GRB10: variants seen among roughly 807,000 people sequenced by gnomAD.
GRB10 encodes the protein growth factor receptor bound protein 10.
Under a neutral mutation model 80.9 loss-of-function variants are expected in GRB10, and 20 were observed. That is an observed-to-expected ratio of 0.25 (90% CI 0.17 to 0.36). GRB10 has a LOEUF of 0.36. Among genes scored for constraint, GRB10 ranks in the 10% least tolerant of loss-of-function variants. The pLI, the probability that GRB10 is intolerant of heterozygous loss-of-function variation, is 1.00. For synonymous variants in GRB10, 291 were observed against 291.5 expected (o/e 1.00, Z 0.02); for missense variants, 548 against 747.7 (o/e 0.73, Z 3.12).
intron 5 of GRB10, among the ~76,000 whole-genome samples, chr7:50,677,515 T>C (rs2061085636): frequency 6.6e-6 from 1 of 152,200 alleles, no homozygotes; most frequent in Admixed American, 6.5e-5. Context: ...ACCTCAGTTC[T>C]GTATTTATTG....
intron 9 of GRB10, among the ~76,000 whole-genome samples, chr7:50,618,367 T>C (rs2051025967): frequency 6.6e-6 from 1 of 152,226 alleles, no homozygotes; most frequent in African/African-American, 2.4e-5. Flanking sequence ...ATACCAACTA[T>C]GTTTACTAAG....
chr7:50,617,364 T>C (rs2050840556), intron 10 of GRB10, among the ~76,000 whole-genome samples: 1 of 152,240 alleles, frequency 6.6e-6, no homozygotes, highest in African/African-American at 2.4e-5. Context: ...CACCTGGATC[T>C]TGTTGGTGGC....
intron 8 of GRB10, among the ~76,000 whole-genome samples, chr7:50,619,554 C>A (rs2051278135): frequency 6.6e-6 from 1 of 152,106 alleles, no homozygotes; most frequent in Admixed American, 6.5e-5. Context: ...AAGGAATGAG[C>A]CCGTAAGACT....
chr7:50,610,816 T>A (rs2049369382), intron 13 of GRB10, among the ~76,000 whole-genome samples: 1 of 152,214 alleles, frequency 6.6e-6, no homozygotes, highest in Non-Finnish European at 1.5e-5. Flanking sequence ...GTCAGTTCGT[T>A]TTGCATTAGT....
intron 4 of GRB10, among the ~76,000 whole-genome samples, chr7:50,712,550 C>A (rs1430028163): frequency 1.3e-5 from 2 of 152,208 alleles, no homozygotes; most frequent in Non-Finnish European, 2.9e-5. Flanking sequence ...AATGCCTGGC[C>A]TGGCAGGGAA....
chr7:50,736,917 G>A (rs2070891763), intron 3 of GRB10, among the ~76,000 whole-genome samples: 2 of 152,128 alleles, frequency 1.3e-5, no homozygotes, highest in South Asian at 4.1e-4. Context: ...CTAAACGTAA[G>A]AGCTAAAACT....
chr7:50,602,708 T>A (rs1041596066), intron 17 of GRB10, among the ~76,000 whole-genome samples: 1 of 152,214 alleles, frequency 6.6e-6, no homozygotes, highest in Non-Finnish European at 1.5e-5. Context: ...TTAAAGGAGT[T>A]TTTTTGGTGA....
At chr7:50,712,355 C>T (rs888543103) in intron 4 of GRB10, among the ~76,000 whole-genome samples, 2 of 152,150 alleles carry the variant, frequency 1.3e-5, no homozygotes, top group Admixed American at 1.3e-4. Flanking sequence ...AAAACAAGAG[C>T]TGCTTCCACC....
chr7:50,630,847 G>A (rs547026119), intron 7 of GRB10, among the ~76,000 whole-genome samples: 52 of 152,314 alleles, frequency 3.4e-4, no homozygotes, highest in African/African-American at 1.2e-3. Context: ...ACTGAATCCC[G>A]TTATAAAAGC....
chr7:50,669,820 G>A lies in GRB10; in HGVS notation c.406C>T (p.Pro136Ser). 1 of 1,613,696 alleles carries A rather than the reference G, an allele frequency of 6.2e-7. No individual in the cohort carries two copies. The highest frequency in any genetic ancestry group is 8.5e-7 in the Non-Finnish European group (1 of 1,179,838). Residue 136 changes from proline (P) to serine (S), a missense_variant, in exon 7 of 19, where the codon CCG becomes TCG. By Grantham distance (74) the Pro-to-Ser change is moderately conservative. This residue lies in a region of GRB10 where 245 missense variants were observed against 229.3 expected (regional missense o/e 1.07). Coordinates refer to ENST00000401949, the MANE Select transcript of GRB10 (RefSeq NM_001350814.2). ...TCAGGAAAAGGATTGGGGATGGCCGGCAGAGATGAGGTTCTAAACTGCTGG... is the reference window on the plus strand; with the variant it reads ...TCAGGAAAAGGATTGGGGATGGCCGACAGAGATGAGGTTCTAAACTGCTGG... ...EDQQFRTSSL[P>S]AIPNPFPELC...
intron 7 of GRB10, among the ~76,000 whole-genome samples, chr7:50,665,158 A>T (rs1382414560): frequency 6.6e-6 from 1 of 152,188 alleles, no homozygotes; most frequent in Non-Finnish European, 1.5e-5. Context: ...ACCATACATC[A>T]CGGTTCCTCT....
At chr7:50,610,557 G>A (rs1231367405) in intron 13 of GRB10, among the ~76,000 whole-genome samples, 4 of 152,172 alleles carry the variant, frequency 2.6e-5, no homozygotes, top group Non-Finnish European at 4.4e-5. Flanking sequence ...CTCTAGGGAG[G>A]GCAGCAAAGC....
At position 50,591,863 on chromosome 7, in the gene GRB10, A is replaced by G. The variant is rs1165592765; in HGVS notation, c.*1089T>C. ...GCCCCTGCAGCGTTTCCTTGTCTTTATCACTATGGAAACCCATGAGACACA... is the reference window on the plus strand; with the variant it reads ...GCCCCTGCAGCGTTTCCTTGTCTTTGTCACTATGGAAACCCATGAGACACA... On this transcript the variant is annotated 3_prime_UTR_variant, in exon 19 of 19. Transcript: ENST00000401949. The G allele has an allele frequency of 1.3e-5, 2 of 152,196 alleles. No individual in the cohort carries two copies. The highest frequency in any genetic ancestry group is 2.9e-5 in the Non-Finnish European group (2 of 68,044). The allele number at this position is 152,196 out of a possible 1,614,324, so 9.4% of individuals were successfully genotyped here.
intron 3 of GRB10, among the ~76,000 whole-genome samples, chr7:50,752,987 A>C (rs1399555772): frequency 6.6e-6 from 1 of 152,190 alleles, no homozygotes; most frequent in Non-Finnish European, 1.5e-5. Context: ...GGACCATTTG[A>C]GTATTTCTGC....
intron 5 of GRB10, among the ~76,000 whole-genome samples, chr7:50,682,468 A>G (rs1478256290): frequency 2.0e-5 from 3 of 152,232 alleles, no homozygotes; most frequent in Non-Finnish European, 4.4e-5. Context: ...GTGTGTGAAA[A>G]GGATTGGTAA....
intron 2 of GRB10, among the ~76,000 whole-genome samples, chr7:50,769,669 CAG>C (rs2076770726): frequency 6.6e-6 from 1 of 152,182 alleles, no homozygotes; most frequent in African/African-American, 2.4e-5. Context: ...GGGCCTCTGA[CAG>C]GGCACAACAC....
intron 4 of GRB10, among the ~76,000 whole-genome samples, chr7:50,706,886 C>T (rs1304718570): frequency 6.6e-6 from 1 of 152,196 alleles, no homozygotes; most frequent in Admixed American, 6.5e-5. Context: ...TGGGTGAGCA[C>T]CCATCCCTGG....
rs991386681 is a variant in GRB10 at position 50,755,933 on chromosome 7, T to TGG, written c.-95_-94dup. 7 of 398,652 alleles carry TGG rather than the reference T, an allele frequency of 1.8e-5. No individual in the cohort carries two copies. The highest frequency in any genetic ancestry group is 1.0e-4 in the African/African-American group (5 of 48,638). The allele number at this position is 398,652 out of a possible 1,614,324, so 24.7% of individuals were successfully genotyped here. The stretch of plus-strand genomic sequence containing the variant: ...GCACTGTCTGCTGGGGCGGCCACCC[T>TGG]GGCTTCACTGAGAGGACCCAGGTGA... On this transcript the variant is annotated 5_prime_UTR_variant, in exon 3 of 19. Transcript: ENST00000401949.
intron 4 of GRB10, among the ~76,000 whole-genome samples, chr7:50,707,069 C>A (rs1258292516): frequency 1.3e-5 from 2 of 152,192 alleles, no homozygotes; most frequent in African/African-American, 2.4e-5. Flanking sequence ...AAAGTATAAT[C>A]CAATGTAGTC....
Sources: allele counts gnomAD v4.1 joint callset (sites outside exome capture counted in the v4.1 genomes callset), GRCh38; gene constraint gnomAD v4.1.1; regional missense constraint gnomAD v4.1.1; transcripts MANE v1.5; gene names NCBI Gene and HGNC (gene_info 2026-07-23, HGNC 2026-07-21).